Variants in ETV1 observed in about 807,000 individuals in gnomAD.
ETV1 encodes ETS translocation variant 1.
A neutral mutation model predicts 62.3 loss-of-function variants in ETV1; 27 were observed. That is an observed-to-expected ratio of 0.43 (90% confidence interval 0.32 to 0.60). The LOEUF (loss-of-function observed/expected upper bound fraction) is 0.60. Among genes scored for constraint, ETV1 ranks in the 20% least tolerant of loss-of-function variants. The pLI is 0.06. For missense variants in ETV1, 605 were observed against 605.8 expected (o/e 1.00, Z 0.01); for synonymous variants, 222 against 199.6 (o/e 1.11, Z -0.94).
intron 13 of ETV1, among the ~76,000 whole-genome samples, chr7:13,896,743 G>GGAAA (rs10694579): frequency 0.17 from 19,031 of 115,232 alleles, 1,745 homozygotes; most frequent in Admixed American, 0.18. Flanking sequence ...AAGAAAGAAA[G>GGAAA]GAAAGAAAGA....
chr7:13,903,698 G>T (rs1782669491), intron 12 of ETV1, among the ~76,000 whole-genome samples: 1 of 148,060 alleles, frequency 6.8e-6, no homozygotes, highest in South Asian at 2.1e-4. Context: ...GGGAGGCAGA[G>T]ATTGCAGTGA....
rs1355300728 is a variant in ETV1 at position 13,893,109 on chromosome 7, A to G, written c.*2757T>C. ...ATTATTTTTACTTAGTTATTTGAGTATAAGTGTTTGTTGCAATTAATCTAT... is the reference window on the plus strand; with the variant it reads ...ATTATTTTTACTTAGTTATTTGAGTGTAAGTGTTTGTTGCAATTAATCTAT... On this transcript the variant is annotated 3_prime_UTR_variant, in exon 14 of 14. Coordinates refer to ENST00000430479, the MANE Select transcript of ETV1 (RefSeq NM_004956.5). The G allele has an allele frequency of 1.3e-5, 3 of 232,572 alleles. No homozygotes were observed. The highest frequency in any genetic ancestry group is 2.5e-5 in the Non-Finnish European group (3 of 117,730). 14.4% of individuals were successfully genotyped at this position (232,572 alleles called of 1,614,324 possible).
rs1208399236 is a variant in ETV1, at chr7:13,938,411, A to G, written c.365+706T>C. On this transcript the variant is annotated intron_variant, in intron 7 of 13. Coordinates refer to ENST00000430479, the MANE Select transcript of ETV1 (RefSeq NM_004956.5). ...TGGAATAATTTGTGTAAGTTTGCAA[A>G]CTAACTTCTTTTAAGAACTAAGTTT... is the stretch of plus-strand genomic sequence containing the variant. Among the ~76,000 whole-genome samples the G allele has an allele frequency of 2.0e-5, 3 of 152,256 alleles. No individual in the cohort carries two copies. The East Asian group carries it at 5.8e-4, about 29-fold the overall frequency.
rs969190915 is a variant in ETV1 at position 13,895,064 on chromosome 7, T to C, written c.*802A>G. On this transcript the variant is annotated 3_prime_UTR_variant, in exon 14 of 14. Coordinates refer to ENST00000430479, the MANE Select transcript of ETV1 (RefSeq NM_004956.5). ...ATGAAGATTCCAAAGGACCATGACATGTCATTATTTAACTGAAATGGGCTT... is the reference window on the plus strand; with the variant it reads ...ATGAAGATTCCAAAGGACCATGACACGTCATTATTTAACTGAAATGGGCTT... The C allele has an allele frequency of 1.7e-5, 4 of 233,230 alleles. No homozygotes were observed. The highest frequency in any genetic ancestry group is 8.8e-5 in the African/African-American group (4 of 45,326). The allele number at this position is 233,230 out of a possible 1,614,324, so 14.4% of individuals were successfully genotyped here. A position where few individuals can be genotyped will look rare whatever the true frequency, so the allele number is the denominator to read the frequency against.
chr7:13,939,982 T>C (rs1003946436), intron 6 of ETV1, among the ~76,000 whole-genome samples: 3 of 152,208 alleles, frequency 2.0e-5, no homozygotes, highest in Admixed American at 6.5e-5. Context: ...TTATGTTTAA[T>C]AACGTACAAA....
intron 6 of ETV1, among the ~76,000 whole-genome samples, chr7:13,948,489 T>G (rs2128469412): frequency 6.6e-6 from 1 of 152,348 alleles, no homozygotes; most frequent in Non-Finnish European, 1.5e-5. Flanking sequence ...AATCATGTTT[T>G]AGAATAGTCT....
chr7:13,955,593 C>T (rs578020136), intron 6 of ETV1, among the ~76,000 whole-genome samples: 6 of 152,210 alleles, frequency 3.9e-5, no homozygotes, highest in South Asian at 2.1e-4. Flanking sequence ...AGAGACTTAA[C>T]GGTGGCCATG....
intron 9 of ETV1, among the ~76,000 whole-genome samples, chr7:13,922,457 T>A (rs1784953534): frequency 6.6e-6 from 1 of 152,154 alleles, no homozygotes; most frequent in African/African-American, 2.4e-5. Flanking sequence ...GTAAGTGACA[T>A]TGGAATGTTC....
rs544048291 is a variant in ETV1 at position 13,906,717 on chromosome 7, T to A, written c.941-118A>T. On this transcript the variant is annotated intron_variant, in intron 11 of 13. Coordinates refer to ENST00000430479, the MANE Select transcript of ETV1 (RefSeq NM_004956.5). The stretch of plus-strand genomic sequence containing the variant: ...CACAATCAACCACTTTATGGGCATT[T>A]ATGAAATATATTATTACCATTAAAG... 4.9e-5 allele frequency: 32 copies of A among 647,700 alleles called. No individual in the cohort carries two copies. In the African/African-American group the frequency reaches 5.8e-4, roughly 12 times the overall value. The allele number at this position is 647,700 out of a possible 1,614,324, so 40.1% of individuals were successfully genotyped here. A position where few individuals can be genotyped will look rare whatever the true frequency, so the allele number is the denominator to read the frequency against.
intron 6 of ETV1, among the ~76,000 whole-genome samples, chr7:13,977,066 T>A (rs1178004256): frequency 5.9e-5 from 9 of 152,234 alleles, no homozygotes; most frequent in Admixed American, 4.6e-4. Flanking sequence ...CATCCAGGCA[T>A]TTCTCTGTAA....
rs769261497 is a variant in ETV1, at chr7:13,911,268, C to G, written c.842G>C (p.Gly281Ala). The stretch of plus-strand genomic sequence containing the variant: ...TGTTCTGCTGGGATGAGCCAGGAAG[C>G]CTTCTTGCCTCATATAAATGGAGTG... The part of the protein sequence containing the change: ...SCHSIYMRQE[G>A]FLAHPSRTEG... The change falls in exon 10 of 14, where the codon GGC becomes GCC. Residue 281 changes from glycine to alanine, a missense_variant. By Grantham distance (60) the Gly-to-Ala change is moderately conservative. Transcript: ENST00000430479. 1.2e-6 allele frequency: 2 copies of G among 1,612,844 alleles called. No homozygotes were observed. The highest frequency in any genetic ancestry group is 1.7e-6 in the Non-Finnish European group (2 of 1,179,226).
intron 6 of ETV1, among the ~76,000 whole-genome samples, chr7:13,942,084 C>A (rs1279456970): frequency 1.4e-5 from 2 of 139,284 alleles, no homozygotes; most frequent in Non-Finnish European, 3.0e-5. Flanking sequence ...AGTGCAGTGG[C>A]GCGATCTCGG....
intron 6 of ETV1, among the ~76,000 whole-genome samples, chr7:13,956,882 G>C (rs1400110200): frequency 1.3e-5 from 2 of 151,876 alleles, no homozygotes; most frequent in Admixed American, 6.6e-5. Flanking sequence ...AATTTCTGTG[G>C]ATTAATAAAA....
chr7:13,977,411 G>C lies in ETV1; in HGVS notation c.235+16C>G. On this transcript the variant is annotated intron_variant, in intron 6 of 13. Coordinates refer to ENST00000430479, the MANE Select transcript of ETV1 (RefSeq NM_004956.5). ...AAAGACAGAAAAATACAAGAGATGA[G>C]TCATACTATACTTACAACTTTCAGC... is the stretch of plus-strand genomic sequence containing the variant. 6.7e-7 allele frequency: 1 copy of C among 1,490,868 alleles called. No individual in the cohort carries two copies. Among genetic ancestry groups the C allele is most frequent in the Non-Finnish European group, 9.1e-7 (1 of 1,095,854 alleles). 92.4% of individuals were successfully genotyped at this position (1,490,868 alleles called of 1,614,324 possible). A position where few individuals can be genotyped will look rare whatever the true frequency, so the allele number is the denominator to read the frequency against.
chr7:13,949,885 T>C (rs140344392), intron 6 of ETV1, among the ~76,000 whole-genome samples: 3 of 152,196 alleles, frequency 2.0e-5, no homozygotes, highest in Non-Finnish European at 2.9e-5. Context: ...CAAGTTGATA[T>C]GTATTTTTTT....
At chr7:13,908,209 A>G (rs901462838) in intron 11 of ETV1, among the ~76,000 whole-genome samples, 2 of 152,152 alleles carry the variant, frequency 1.3e-5, no homozygotes, top group African/African-American at 2.4e-5. Context: ...AAAATGTTTT[A>G]TTAGTGTAAA....
rs1781443244 is a variant in ETV1, at chr7:13,892,428, A to G, written c.*3438T>C. 4.3e-6 allele frequency: 1 copy of G among 232,700 alleles called. No individual in the cohort carries two copies. The highest frequency in any genetic ancestry group is 2.2e-5 in the African/African-American group (1 of 45,306). The allele number at this position is 232,700 out of a possible 1,614,324, so 14.4% of individuals were successfully genotyped here. A position where few individuals can be genotyped will look rare whatever the true frequency, so the allele number is the denominator to read the frequency against. ...GGGGAAAATATCTCAGTGGTAAATA[A>G]AAGCAAACTCTAGTACTTTCAAATC... is the stretch of plus-strand genomic sequence containing the variant. On this transcript the variant is annotated 3_prime_UTR_variant, in exon 14 of 14. Coordinates refer to ENST00000430479, the MANE Select transcript of ETV1 (RefSeq NM_004956.5).
At chr7:13,976,631 T>G (rs774737398) in intron 6 of ETV1, among the ~76,000 whole-genome samples, 7 of 152,160 alleles carry the variant, frequency 4.6e-5, no homozygotes, top group Non-Finnish European at 7.3e-5. Flanking sequence ...AAGATGGCAT[T>G]TATACCCTTT....
At chr7:13,901,244 G>T (rs912618212) in intron 12 of ETV1, among the ~76,000 whole-genome samples, 1 of 152,056 alleles carries the variant, frequency 6.6e-6, no homozygotes, top group Non-Finnish European at 1.5e-5. Context: ...ACCTCAGGTG[G>T]TCCACCCACC....
Sources: allele counts gnomAD v4.1 joint callset (sites outside exome capture counted in the v4.1 genomes callset), GRCh38; gene constraint gnomAD v4.1.1; transcripts MANE v1.5; gene names NCBI Gene and HGNC (gene_info 2026-07-23, HGNC 2026-07-21).